TPTE: variants seen among roughly 807,000 people sequenced by gnomAD.
The protein encoded by TPTE is putative tyrosine-protein phosphatase TPTE.
TPTE carries 59 observed loss-of-function variants against 84.1 expected under a neutral mutation model. The ratio of observed to expected loss-of-function variants is 0.70; its 90% CI spans 0.57 to 0.87. The LOEUF (loss-of-function observed/expected upper bound fraction) is 0.87, where lower values mean the gene tolerates loss of function less well. Among genes scored for constraint, TPTE ranks in the 40% least tolerant of loss-of-function variants. The pLI, the probability that TPTE is intolerant of heterozygous loss-of-function variation, is 0.00. For missense variants in TPTE, 382 were observed against 659.6 expected (o/e 0.58, Z 4.61); for synonymous variants, 130 against 223.5 (o/e 0.58, Z 3.73).
chr21:10,602,296 G>C (rs1978646417), intron 22 of TPTE, 146 bp downstream of exon 22: 1 of 1,005,398 alleles, frequency 9.9e-7, no homozygotes, highest in Admixed American at 2.2e-5. Flanking sequence ...TTTTAAAAGA[G>C]CGTATGTAAT....
chr21:10,542,567 CCATCCATCCATCCATCCATCCATT>C (rs1358172341), intron 6 of TPTE, 119 bp downstream of exon 6: 314 of 831,590 alleles, frequency 3.8e-4, no homozygotes, highest in Non-Finnish European at 4.9e-4. Flanking sequence ...ATCCATTCAT[CCATCCATCCATCCATCCATCCATT>C]CATCCATCCA....
chr21:10,583,140 T>C (rs2075299970), intron 17 of TPTE, among the ~76,000 whole-genome samples: 2 of 152,310 alleles, frequency 1.3e-5, no homozygotes, highest in African/African-American at 4.8e-5. Context: ...TAATGAATCT[T>C]GAACTTTACT....
intron 1 of TPTE, among the ~76,000 whole-genome samples, chr21:10,523,623 G>T (rs2074027255): frequency 6.6e-6 from 1 of 152,302 alleles, no homozygotes; most frequent in African/African-American, 2.4e-5. Context: ...CAAAGGACAT[G>T]AACTCATCAT....
intron 3 of TPTE, among the ~76,000 whole-genome samples, chr21:10,537,774 A>T (rs563076866): frequency 6.6e-6 from 1 of 152,424 alleles, no homozygotes; most frequent in South Asian, 2.1e-4. Flanking sequence ...ATTTATATAT[A>T]CCTATATGCA....
At chr21:10,532,620 A>G (rs1454552024) in intron 3 of TPTE, among the ~76,000 whole-genome samples, 1 of 152,310 alleles carries the variant, frequency 6.6e-6, no homozygotes, top group Non-Finnish European at 1.5e-5. Context: ...ACTTCTTATT[A>G]ATGCTTATAT....
intron 7 of TPTE, among the ~76,000 whole-genome samples, chr21:10,545,752 TATAG>T (rs1282956396): frequency 6.6e-5 from 10 of 151,834 alleles, no homozygotes; most frequent in South Asian, 2.1e-4. Flanking sequence ...TTTGTGTGTA[TATAG>T]ATATAGATAC....
intron 17 of TPTE, among the ~76,000 whole-genome samples, chr21:10,589,203 C>T (rs1443155158): frequency 1.5e-3 from 230 of 151,964 alleles, no homozygotes; most frequent in African/African-American, 5.4e-3. Flanking sequence ...TTCTTCTTTC[C>T]CTTTCCCTTC....
intron 3 of TPTE, among the ~76,000 whole-genome samples, chr21:10,535,916 G>T (rs1391244946): frequency 1.3e-5 from 2 of 152,306 alleles, no homozygotes; most frequent in Non-Finnish European, 2.9e-5. Flanking sequence ...GTGACAGAAG[G>T]ACTTAGGAAT....
chr21:10,558,380 G>C (rs1289940901), intron 8 of TPTE, among the ~76,000 whole-genome samples: 2 of 152,300 alleles, frequency 1.3e-5, no homozygotes, highest in Non-Finnish European at 2.9e-5. Context: ...CAATGTATAT[G>C]TGTTCCCTTT....
chr21:10,578,097 T>C (rs1378471668), intron 15 of TPTE, among the ~76,000 whole-genome samples: 1 of 152,312 alleles, frequency 6.6e-6, no homozygotes, highest in African/African-American at 2.4e-5. Context: ...TGCTAGAAAG[T>C]TAAAAATTAT....
chr21:10,591,009 C>T (rs2075464413), intron 18 of TPTE, among the ~76,000 whole-genome samples: 1 of 152,310 alleles, frequency 6.6e-6, no homozygotes, highest in African/African-American at 2.4e-5. Flanking sequence ...ATGACTTCTT[C>T]CTTCCTCGTG....
intron 7 of TPTE, among the ~76,000 whole-genome samples, chr21:10,543,655 T>G: frequency 6.6e-6 from 1 of 152,298 alleles, no homozygotes. Flanking sequence ...TAGATAACTT[T>G]GCACCTTTTT....
chr21:10,597,795 TTC>T (rs1332760846), intron 20 of TPTE, among the ~76,000 whole-genome samples: 1 of 152,312 alleles, frequency 6.6e-6, no homozygotes, highest in African/African-American at 2.4e-5. Context: ...TGTATTTTTT[TTC>T]CTCTTCTCTC....
intron 8 of TPTE, among the ~76,000 whole-genome samples, chr21:10,555,979 T>G (rs903021876): frequency 6.6e-6 from 1 of 152,312 alleles, no homozygotes; most frequent in Non-Finnish European, 1.5e-5. Flanking sequence ...AATACTATTA[T>G]TCATGATTTT....
Position 10,569,701 on chromosome 21 carries a change from C to A in TPTE, c.685C>A (p.Arg229=), listed in dbSNP as rs1810540. ...CTGTCAGGTTTCAGAAAACAAAAGG[C>A]GATACACAAGGGATGGATTTGACCT... ...IRRRVSENKR[R]YTRDGFDLDL... Residue 229 remains arginine, a synonymous_variant, in exon 13 of 24, where the codon CGA becomes AGA. Coordinates refer to ENST00000618007, the MANE Select transcript of TPTE (RefSeq NM_199261.4). 6.4e-6 allele frequency: 10 copies of A among 1,550,764 alleles called. No individual in the cohort carries two copies. The highest frequency in any genetic ancestry group is 8.7e-6 in the Non-Finnish European group (10 of 1,143,054).
intron 10 of TPTE, among the ~76,000 whole-genome samples, chr21:10,563,306 C>T (rs978277345): frequency 3.3e-5 from 5 of 152,302 alleles, no homozygotes; most frequent in African/African-American, 1.2e-4. Flanking sequence ...TAAGTAACAA[C>T]CTGAAGGTAT....
rs1267788774 is a variant in TPTE at position 10,521,602 on chromosome 21, C to G, written c.-303C>G. 1.9e-5 allele frequency: 3 copies of G among 154,506 alleles called. No individual in the cohort carries two copies. Among genetic ancestry groups the G allele is most frequent in the African/African-American group, 4.8e-5 (2 of 41,502 alleles). The allele number at this position is 154,506 out of a possible 1,614,324, so 9.6% of individuals were successfully genotyped here. ...GAGGGCACAACAGCTGCTACCTGAACAGTTTCTGACCCAACAGTTACCCAG... is the reference window on the plus strand; with the variant it reads ...GAGGGCACAACAGCTGCTACCTGAAGAGTTTCTGACCCAACAGTTACCCAG... On this transcript the variant is annotated 5_prime_UTR_variant, in exon 1 of 24. Coordinates refer to ENST00000618007, the MANE Select transcript of TPTE (RefSeq NM_199261.4).
intron 3 of TPTE, among the ~76,000 whole-genome samples, chr21:10,537,747 G>A: frequency 6.6e-6 from 1 of 152,244 alleles, no homozygotes; most frequent in Non-Finnish European, 1.5e-5. Context: ...GAACAAGGGA[G>A]GAAACGATTA....
intron 14 of TPTE, among the ~76,000 whole-genome samples, chr21:10,571,436 C>T (rs1395681084): frequency 0.01 from 1,533 of 148,270 alleles, no homozygotes; most frequent in Non-Finnish European, 0.015. Flanking sequence ...CAGTTTAGGG[C>T]CATAAGAAAC....
Sources: gnomAD v4.1 joint callset for allele counts (sites outside exome capture counted in the v4.1 genomes callset) on GRCh38, gnomAD v4.1.1 for gene constraint, MANE v1.5 for transcripts, NCBI Gene and HGNC (gene_info 2026-07-23, HGNC 2026-07-21) for gene names.